Variants in MCM3 observed in about 807,000 individuals in gnomAD.
The protein encoded by MCM3 is DNA replication licensing factor MCM3.
A neutral mutation model predicts 91.3 loss-of-function variants in MCM3; 59 were observed. That is an observed-to-expected ratio of 0.65 (90% CI 0.52 to 0.80). The LOEUF is 0.80. Ranked by LOEUF, MCM3 falls within the 30% of genes least tolerant of loss-of-function variation. The pLI is 0.00. For synonymous variants in MCM3, 383 were observed against 379.6 expected, an observed-to-expected ratio of 1.01 and a Z score of -0.10; for missense variants, 919 against 1,035.4, an observed-to-expected ratio of 0.89 and a Z score of 1.54.
Position 52,266,630 on chromosome 6 carries a change from T to C in MCM3, c.2139A>G (p.Thr713=). ...ACTCACCTTGAGGCATTTCCTCCTC[T>C]GTGTCACTGAAGTCATAGGGGTCGT... ...DSYDPYDFSD[T]EEEMPQVHTP... is the part of the protein sequence containing the mutation. Residue 713 remains threonine, a synonymous_variant, in exon 15 of 17, where the codon ACA becomes ACG. Coordinates refer to ENST00000596288, the MANE Select transcript of MCM3 (RefSeq NM_002388.6). The C allele has an allele frequency of 6.2e-7, 1 of 1,614,136 alleles. No individual in the cohort carries two copies.
At chr6:52,278,649 C>A in intron 6 of MCM3, 93 bp downstream of exon 6, 2 of 776,546 alleles carry the variant, frequency 2.6e-6, no homozygotes, top group East Asian at 2.6e-5. Flanking sequence ...AACCTCAACC[C>A]TTCCTTCTGA....
chr6:52,266,459 T>C, intron 15 of MCM3, 152 bp downstream of exon 15: 1 of 727,548 alleles, frequency 1.4e-6, no homozygotes, highest in Admixed American at 2.3e-5. Flanking sequence ...AAGTTTCCCC[T>C]GAAGCTCTCT....
intron 1 of MCM3, 24 bp downstream of exon 1, chr6:52,284,573 C>A: frequency 1.3e-6 from 2 of 1,586,152 alleles, no homozygotes; most frequent in Non-Finnish European, 1.7e-6. Flanking sequence ...AGCGCTAGAG[C>A]CCGCGCGCCG....
In MCM3 at chr6:52,273,488, G is replaced by A; in HGVS notation, c.1550-132C>T. 3 of 921,912 alleles carry A rather than the reference G, an allele frequency of 3.3e-6. No individual in the cohort carries two copies. The South Asian group carries it at 5.1e-5, about 16-fold the overall frequency. 57.1% of individuals were successfully genotyped at this position (921,912 alleles called of 1,614,324 possible). A position where few individuals can be genotyped will look rare whatever the true frequency, so the allele number is the denominator to read the frequency against. ...GGGCCCAAAAAGAATCAGACACATGGAACCCACAAATAAAGATAGTGGAAC... is the reference window on the plus strand; with the variant it reads ...GGGCCCAAAAAGAATCAGACACATGAAACCCACAAATAAAGATAGTGGAAC... On this transcript the variant is annotated intron_variant, in intron 10 of 16. Transcript: ENST00000596288.
intron 1 of MCM3, 44 bp from the exon 2 acceptor site, chr6:52,283,450 A>G (rs1339133217): frequency 1.5e-6 from 2 of 1,365,398 alleles, no homozygotes; most frequent in East Asian, 4.6e-5. Flanking sequence ...CAAATTTAAA[A>G]ACAATGTTTC....
Position 52,276,412 on chromosome 6 carries a change from T to C in MCM3, c.1230A>G (p.Glu410=). ...LADRGVVCID[E]FDKMSDMDRT... ...GATCCATGTCAGACATTTTGTCAAA[T>C]TCATCAATGCAAACCACGCCTCGGT... Residue 410 remains glutamate, a synonymous_variant, in exon 9 of 17, where the codon GAA becomes GAG. Transcript: ENST00000596288. The C allele has an allele frequency of 6.2e-7, 1 of 1,614,180 alleles. No individual in the cohort carries two copies. Among genetic ancestry groups the C allele is most frequent in the Non-Finnish European group, 8.5e-7 (1 of 1,180,030 alleles).
chr6:52,266,501 C>A, intron 15 of MCM3, 110 bp downstream of exon 15: 1 of 977,404 alleles, frequency 1.0e-6, no homozygotes, highest in South Asian at 1.4e-5. Flanking sequence ...AGGCCCCAAG[C>A]AGGGAGCCAA....
At position 52,269,082 on chromosome 6, in the gene MCM3, T is replaced by G. The variant is rs933415885; in HGVS notation, c.1968+4A>C. 2 of 1,609,926 alleles carry G rather than the reference T, an allele frequency of 1.2e-6. No individual in the cohort carries two copies. The highest frequency in any genetic ancestry group is 1.3e-5 in the African/African-American group (1 of 74,890). On this transcript the variant is annotated splice_donor_region_variant and intron_variant, in intron 13 of 16. Coordinates refer to ENST00000596288, the MANE Select transcript of MCM3 (RefSeq NM_002388.6). ...CTCTCATGCCCAGGCATCTGAATCC[T>G]CACCTTCTTAAAGTAAGCATACTGG... is the stretch of plus-strand genomic sequence containing the variant.
chr6:52,284,570 G>A, intron 1 of MCM3, 27 bp downstream of exon 1: 1 of 1,583,516 alleles, frequency 6.3e-7, no homozygotes, highest in Non-Finnish European at 8.6e-7. Flanking sequence ...CCGAGCGCTA[G>A]AGCCCGCGCG....
Position 52,273,350 on chromosome 6 carries a change from G to A in MCM3, c.1556C>T (p.Pro519Leu). The A allele has an allele frequency of 1.2e-6, 2 of 1,614,058 alleles. No homozygotes were observed. Among genetic ancestry groups the A allele is most frequent in the Non-Finnish European group, 1.7e-6 (2 of 1,180,018 alleles). ...CAGGATATCCACAGCACTACCCAAG[G>A]GCATAGCTGGTATACCCAAGTTAGG... ...APGEQDGDAM[P>L]LGSAVDILAT... The change falls in exon 11 of 17, where the codon CCC (proline) becomes CTC (leucine). Residue 519 changes from proline (P) to leucine (L), a missense_variant. This residue lies in a region of MCM3 where 233 missense variants were observed against 321.2 expected (regional missense o/e 0.73). Coordinates refer to ENST00000596288, the MANE Select transcript of MCM3 (RefSeq NM_002388.6).
chr6:52,265,991 T>A (rs554395595), intron 16 of MCM3, 84 bp downstream of exon 16: 377 of 1,208,878 alleles, frequency 3.1e-4, no homozygotes, highest in Non-Finnish European at 4.3e-4. Flanking sequence ...AGCAGTTTGT[T>A]TCCCACCCTC....
intron 4 of MCM3, 34 bp from the exon 5 acceptor site, chr6:52,279,633 TC>T (rs1226216919): frequency 6.7e-7 from 1 of 1,490,858 alleles, no homozygotes; most frequent in African/African-American, 1.4e-5. Context: ...CAGAGTGATC[TC>T]CGTCCTGTCT....
intron 4 of MCM3, among the ~76,000 whole-genome samples, chr6:52,280,086 T>C (rs549072819): frequency 6.6e-6 from 1 of 152,218 alleles, no homozygotes; most frequent in East Asian, 1.9e-4. Context: ...ACAACATGGA[T>C]AAATCTCATA....
chr6:52,277,261 C>A, intron 7 of MCM3, 63 bp from the exon 8 acceptor site: 1 of 1,553,292 alleles, frequency 6.4e-7, no homozygotes, highest in Non-Finnish European at 8.8e-7. Flanking sequence ...CAAATTCTGC[C>A]TTTCTAGCAC....
chr6:52,282,256 A>G (rs2128284204), intron 3 of MCM3, 81 bp from the exon 4 acceptor site: 1 of 1,250,412 alleles, frequency 8.0e-7, no homozygotes, highest in African/African-American at 1.5e-5. Flanking sequence ...GCAAGCCTAT[A>G]ATGACTCCAA....
intron 2 of MCM3, 80 bp from the exon 3 acceptor site, chr6:52,282,941 G>C (rs1388922969): frequency 1.0e-6 from 1 of 993,174 alleles, no homozygotes; most frequent in Non-Finnish European, 1.5e-6. Context: ...GACATTCTTA[G>C]ATCATTAAAA....
chr6:52,269,771 A>G (rs1764940903), intron 12 of MCM3, among the ~76,000 whole-genome samples: 1 of 152,236 alleles, frequency 6.6e-6, no homozygotes, highest in South Asian at 2.1e-4. Flanking sequence ...TGTTTCTCAC[A>G]GGGGCCGATG....
intron 2 of MCM3, 118 bp from the exon 3 acceptor site, chr6:52,282,979 CTCCTATAAGTCTCAGTAAAACACCA>C: frequency 1.3e-6 from 1 of 746,900 alleles, no homozygotes; most frequent in Non-Finnish European, 2.2e-6. Flanking sequence ...CTTCTGCTTT[CTCCTATAAGTCTCAGTAAAACACCA>C]TCCTATAAGA....
intron 9 of MCM3, chr6:52,276,020 T>A (rs1259370384): frequency 8.6e-6 from 4 of 467,500 alleles, no homozygotes; most frequent in Non-Finnish European, 1.5e-5. Context: ...CGGTTAAATA[T>A]GTTAAATGGA....
Sources: allele counts gnomAD v4.1 joint callset (sites outside exome capture counted in the v4.1 genomes callset), GRCh38; gene constraint gnomAD v4.1.1; regional missense constraint gnomAD v4.1.1; transcripts MANE v1.5; gene names NCBI Gene and HGNC (gene_info 2026-07-23, HGNC 2026-07-21).